DLG2: variants seen among roughly 807,000 people sequenced by gnomAD.
DLG2 encodes discs large MAGUK scaffold protein 2.
A neutral mutation model predicts 132.5 loss-of-function variants in DLG2; 45 were observed. The ratio of observed to expected loss-of-function variants is 0.34; its 90% confidence interval spans 0.27 to 0.44. DLG2 has a LOEUF of 0.44. DLG2 is among the 20% of genes least tolerant of loss of function. DLG2 has a pLI of 1.00. For missense variants in DLG2, 1,045 were observed against 1,196.9 expected (o/e 0.87, Z 1.87); for synonymous variants, 424 against 419.6 (o/e 1.01, Z -0.13).
chr11:83,997,987 T>C (rs1251042677), intron 11 of DLG2, among the ~76,000 whole-genome samples: 2 of 151,486 alleles, frequency 1.3e-5, no homozygotes, highest in Admixed American at 6.6e-5. Context: ...CAAAAAAAAT[T>C]AGCTGGGCAT....
At position 85,449,565 on chromosome 11, in the gene DLG2, A is replaced by C. The variant is rs180743089; in HGVS notation, c.40+149092T>G. Among the ~76,000 whole-genome samples, 4 of 152,110 alleles carry C rather than the reference A, an allele frequency of 2.6e-5. No individual in the cohort carries two copies. The East Asian group carries it at 7.7e-4, about 29-fold the overall frequency. On this transcript the variant is annotated intron_variant, in intron 3 of 27. Transcript: ENST00000376104. ...TATTAGAGAGTACATGCTTTATTTA[A>C]ACATTTTAAACATTATATGAAGTGT...
At chr11:83,707,942 T>C (rs1167653501) in intron 18 of DLG2, among the ~76,000 whole-genome samples, 2 of 152,218 alleles carry the variant, frequency 1.3e-5, no homozygotes, top group African/African-American at 2.4e-5. Context: ...CCACCTTTGA[T>C]ACTTTAACTA....
intron 10 of DLG2, among the ~76,000 whole-genome samples, chr11:84,088,461 T>C (rs879882808): frequency 2.4e-4 from 37 of 152,108 alleles, no homozygotes; most frequent in African/African-American, 7.7e-4. Context: ...ATTTCCTTTA[T>C]TGGAATATAT....
intron 7 of DLG2, among the ~76,000 whole-genome samples, chr11:84,307,762 C>T (rs965400564): frequency 1.3e-5 from 2 of 148,336 alleles, no homozygotes; most frequent in Non-Finnish European, 3.0e-5. Context: ...TTAAAGGCGG[C>T]GTGTCTGGAG....
At chr11:85,338,496 C>A (rs2082275969) in intron 3 of DLG2, among the ~76,000 whole-genome samples, 1 of 151,848 alleles carries the variant, frequency 6.6e-6, no homozygotes, top group Admixed American at 6.6e-5. Context: ...TATTGATATT[C>A]CTTTGTGGGT....
intron 11 of DLG2, among the ~76,000 whole-genome samples, chr11:84,032,493 G>C (rs1195914901): frequency 6.6e-6 from 1 of 152,200 alleles, no homozygotes; most frequent in Admixed American, 6.6e-5. Flanking sequence ...CTGCAGAAGA[G>C]AAGTTTGAAG....
At chr11:84,748,543 A>G (rs2153832130) in intron 6 of DLG2, among the ~76,000 whole-genome samples, 1 of 152,320 alleles carries the variant, frequency 6.6e-6, no homozygotes, top group South Asian at 2.1e-4. Context: ...TTGTGCTATC[A>G]GGGAATATAA....
chr11:83,985,253 T>C lies in DLG2; in HGVS notation c.920-4611A>G, dbSNP rs189620050. 5.9e-5 allele frequency among the ~76,000 whole-genome samples: 9 copies of C among 152,194 alleles called. No homozygotes were observed. The East Asian group carries it at 1.7e-3, about 29-fold the overall frequency. On this transcript the variant is annotated intron_variant, in intron 11 of 27. Coordinates refer to ENST00000376104, the MANE Select transcript of DLG2 (RefSeq NM_001142699.3). ...CCCTGTCCCCCATCCCTGTTATTAA[T>C]CTCACATGTCTTCCCTTCATTAGCT...
chr11:84,530,844 T>G (rs1233013155), intron 7 of DLG2, among the ~76,000 whole-genome samples: 2 of 152,224 alleles, frequency 1.3e-5, no homozygotes, highest in African/African-American at 4.8e-5. Context: ...TGCAGCACTA[T>G]TCACAATAGC....
intron 4 of DLG2, among the ~76,000 whole-genome samples, chr11:85,267,621 T>C (rs1344683450): frequency 6.6e-6 from 1 of 152,206 alleles, no homozygotes; most frequent in Non-Finnish European, 1.5e-5. Context: ...CCTGTCTATC[T>C]GAAACCATGT....
At chr11:85,393,475 C>T (rs2086986244) in intron 3 of DLG2, among the ~76,000 whole-genome samples, 1 of 151,846 alleles carries the variant, frequency 6.6e-6, no homozygotes, top group Non-Finnish European at 1.5e-5. Flanking sequence ...GGATATCTAC[C>T]CAGAGAAAAA....
intron 3 of DLG2, among the ~76,000 whole-genome samples, chr11:85,473,936 A>G (rs1191072585): frequency 6.6e-6 from 1 of 152,018 alleles, no homozygotes; most frequent in Admixed American, 6.5e-5. Context: ...TATAGTAAAT[A>G]AAAACCACAA....
intron 7 of DLG2, among the ~76,000 whole-genome samples, chr11:84,388,146 G>A (rs138443747): frequency 4.6e-5 from 7 of 152,162 alleles, no homozygotes; most frequent in East Asian, 3.9e-4. Context: ...ACATATATTC[G>A]ACTTATCCTA....
intron 6 of DLG2, among the ~76,000 whole-genome samples, chr11:84,823,598 C>A (rs947737917): frequency 6.7e-6 from 1 of 150,338 alleles, no homozygotes; most frequent in African/African-American, 2.4e-5. Context: ...CACACACACA[C>A]ACACACACAC....
chr11:85,150,041 A>G (rs1380393291), intron 5 of DLG2, among the ~76,000 whole-genome samples: 2 of 98,744 alleles, frequency 2.0e-5, no homozygotes, highest in African/African-American at 5.1e-5. Flanking sequence ...TTTTTTTGAG[A>G]CAGAGTCTCA....
At chr11:84,578,159 G>A (rs2099507530) in intron 6 of DLG2, among the ~76,000 whole-genome samples, 2 of 152,204 alleles carry the variant, frequency 1.3e-5, no homozygotes, top group African/African-American at 4.8e-5. Context: ...AAATTTTGCT[G>A]CATGGACGGG....
intron 7 of DLG2, among the ~76,000 whole-genome samples, chr11:84,490,219 T>A (rs1470376529): frequency 6.6e-6 from 1 of 152,102 alleles, no homozygotes; most frequent in Admixed American, 6.6e-5. Flanking sequence ...ACAGCACTGT[T>A]GTGAGGATTA....
chr11:84,917,951 C>A (rs1297427686), intron 6 of DLG2, among the ~76,000 whole-genome samples: 1 of 152,068 alleles, frequency 6.6e-6, no homozygotes, highest in Non-Finnish European at 1.5e-5. Flanking sequence ...TGTTATGAGC[C>A]ATAGGTGTTA....
chr11:84,393,512 A>C (rs1168620385), intron 7 of DLG2, among the ~76,000 whole-genome samples: 1 of 152,148 alleles, frequency 6.6e-6, no homozygotes, highest in Non-Finnish European at 1.5e-5. Context: ...ATTTTGAACT[A>C]TATAGAAACA....
Sources: allele counts gnomAD v4.1 joint callset (sites outside exome capture counted in the v4.1 genomes callset), GRCh38; gene constraint gnomAD v4.1.1; transcripts MANE v1.5; gene names NCBI Gene and HGNC (gene_info 2026-07-23, HGNC 2026-07-21).